TRA2A: variants seen among roughly 807,000 people sequenced by gnomAD.
TRA2A encodes transformer-2 protein homolog alpha.
Under a neutral mutation model 45.7 loss-of-function variants are expected in TRA2A, and 31 were observed. The ratio of observed to expected loss-of-function variants is 0.68; its 90% CI spans 0.51 to 0.92. The LOEUF is 0.92. TRA2A is among the 40% of genes least tolerant of loss of function. The pLI is 0.00. For synonymous variants in TRA2A, 132 were observed against 126.2 expected, an observed-to-expected ratio of 1.05 and a Z score of -0.31; for missense variants, 304 against 367.5, an observed-to-expected ratio of 0.83 and a Z score of 1.41.
intron 3 of TRA2A, among the ~76,000 whole-genome samples, chr7:23,515,014 C>T (rs1358400430): frequency 2.0e-5 from 3 of 152,092 alleles, no homozygotes; most frequent in East Asian, 1.9e-4. Context: ...CAATGTCATA[C>T]ATCCAAGACT....
chr7:23,519,797 G>A (rs1262787568), intron 2 of TRA2A, among the ~76,000 whole-genome samples: 6 of 152,012 alleles, frequency 3.9e-5, no homozygotes, highest in Non-Finnish European at 7.4e-5. Context: ...GAACAATAAC[G>A]CTAGAAGAGT....
chr7:23,528,511 T>C (rs1328285292), intron 1 of TRA2A, among the ~76,000 whole-genome samples: 1 of 152,170 alleles, frequency 6.6e-6, no homozygotes, highest in Non-Finnish European at 1.5e-5. Flanking sequence ...GGCCTTGTTT[T>C]GTTTTTAAAC....
At chr7:23,518,099 T>C (rs1261097680) in intron 2 of TRA2A, among the ~76,000 whole-genome samples, 3 of 151,490 alleles carry the variant, frequency 2.0e-5, no homozygotes. Context: ...CCACCATGCC[T>C]GGCTAATTTT....
chr7:23,513,162 C>G (rs899476234), intron 3 of TRA2A, 80 bp from the exon 4 acceptor site: 2 of 947,642 alleles, frequency 2.1e-6, no homozygotes, highest in African/African-American at 3.3e-5. Flanking sequence ...TTTAGAACAC[C>G]TCATCTAATA....
intron 4 of TRA2A, among the ~76,000 whole-genome samples, chr7:23,508,529 T>C (rs1789445479): frequency 6.6e-6 from 1 of 151,284 alleles, no homozygotes; most frequent in Admixed American, 6.6e-5. Flanking sequence ...AGTTTCGCTC[T>C]TGTTGCACAG....
intron 1 of TRA2A, 107 bp downstream of exon 1, chr7:23,531,682 G>T: frequency 8.2e-7 from 1 of 1,219,836 alleles, no homozygotes; most frequent in Non-Finnish European, 1.2e-6. Context: ...TGGCTCCAGA[G>T]GTTGCTCCTC....
chr7:23,511,273 AGGCAGG>A, intron 4 of TRA2A, among the ~76,000 whole-genome samples: 1 of 149,358 alleles, frequency 6.7e-6, no homozygotes, highest in East Asian at 2.1e-4. Flanking sequence ...CGGGAGGCTG[AGGCAGG>A]AGAATGGCAT....
At chr7:23,508,816 G>C (rs1023101953) in intron 4 of TRA2A, among the ~76,000 whole-genome samples, 1 of 151,850 alleles carries the variant, frequency 6.6e-6, no homozygotes, top group African/African-American at 2.4e-5. Context: ...TTTTTGTAGA[G>C]ACAAGATCTG....
At chr7:23,517,834 C>G (rs2127996587) in intron 2 of TRA2A, among the ~76,000 whole-genome samples, 1 of 152,148 alleles carries the variant, frequency 6.6e-6, no homozygotes, top group South Asian at 2.1e-4. Flanking sequence ...ATCACTTGAA[C>G]CCGGGAGGTG....
At chr7:23,517,477 CAAAAA>C (rs70954385) in intron 2 of TRA2A, among the ~76,000 whole-genome samples, 224 of 13,920 alleles carry the variant, frequency 0.016, 16 homozygotes, top group Admixed American at 0.076. Flanking sequence ...GACTACGTCT[CAAAAA>C]AAAAAAAAAA....
intron 1 of TRA2A, among the ~76,000 whole-genome samples, chr7:23,522,887 T>C (rs959529545): frequency 4.6e-5 from 7 of 152,182 alleles, no homozygotes; most frequent in African/African-American, 1.7e-4. Flanking sequence ...TACACACCTA[T>C]CTAAACTCAC....
At chr7:23,517,153 C>T (rs1357551468) in intron 2 of TRA2A, among the ~76,000 whole-genome samples, 1 of 150,272 alleles carries the variant, frequency 6.7e-6, no homozygotes, top group Admixed American at 6.7e-5. Flanking sequence ...GTGATGTGTG[C>T]TTATGTTCCC....
intron 1 of TRA2A, chr7:23,531,296 AG>A (rs1268882825): frequency 1.0e-5 from 10 of 979,980 alleles, no homozygotes; most frequent in African/African-American, 1.8e-5. Context: ...AAGGAGACAC[AG>A]GCCCCAGCTA....
At chr7:23,509,144 T>A (rs1162248589) in intron 4 of TRA2A, among the ~76,000 whole-genome samples, 1 of 152,090 alleles carries the variant, frequency 6.6e-6, no homozygotes, top group Non-Finnish European at 1.5e-5. Flanking sequence ...GTCCAATTTT[T>A]AAAAAGAACT....
At chr7:23,525,563 G>A (rs1790307790) in intron 1 of TRA2A, among the ~76,000 whole-genome samples, 1 of 152,208 alleles carries the variant, frequency 6.6e-6, no homozygotes, top group African/African-American at 2.4e-5. Context: ...AGGCAGAAAA[G>A]TTCTTCTCAC....
intron 1 of TRA2A, among the ~76,000 whole-genome samples, chr7:23,524,548 C>T (rs781086270): frequency 3.9e-5 from 6 of 152,222 alleles, no homozygotes; most frequent in East Asian, 3.9e-4. Flanking sequence ...AATACCTAAC[C>T]TCCTTTGTTG....
At position 23,505,263 on chromosome 7, in the gene TRA2A, T is replaced by G; in HGVS notation, c.*296A>C. 1 of 326,896 alleles carries G rather than the reference T, an allele frequency of 3.1e-6. No homozygotes were observed. Among genetic ancestry groups the G allele is most frequent in the Non-Finnish European group, 5.5e-6 (1 of 182,768 alleles). 20.2% of individuals were successfully genotyped at this position (326,896 alleles called of 1,614,324 possible). A position where few individuals can be genotyped will look rare whatever the true frequency, so the allele number is the denominator to read the frequency against. Reference sequence around the variant, plus strand: ...CAGTTTCTTTCCTTATTTGATTAGCTAGAAGTTTATCTAGGTAAAAGCAAA... The same window carrying G: ...CAGTTTCTTTCCTTATTTGATTAGCGAGAAGTTTATCTAGGTAAAAGCAAA... On this transcript the variant is annotated 3_prime_UTR_variant, in exon 8 of 8. Coordinates refer to ENST00000297071, the MANE Select transcript of TRA2A (RefSeq NM_013293.5).
chr7:23,515,772 C>A (rs962286644), intron 3 of TRA2A, among the ~76,000 whole-genome samples: 3 of 147,166 alleles, frequency 2.0e-5, no homozygotes, highest in African/African-American at 7.5e-5. Context: ...TCTCGAACTC[C>A]TGACCTTAGG....
Position 23,505,248 on chromosome 7 carries a change from C to T in TRA2A, c.*311G>A. The T allele has an allele frequency of 3.4e-6, 1 of 298,420 alleles. No individual in the cohort carries two copies. Among genetic ancestry groups the T allele is most frequent in the South Asian group, 1.5e-4 (1 of 6,690 alleles). The allele number at this position is 298,420 out of a possible 1,614,324, so 18.5% of individuals were successfully genotyped here. On this transcript the variant is annotated 3_prime_UTR_variant, in exon 8 of 8. Transcript: ENST00000297071. ...GAAGCTTTAAAAAGACAGTTTCTTTCCTTATTTGATTAGCTAGAAGTTTAT... is the reference window on the plus strand; with the variant it reads ...GAAGCTTTAAAAAGACAGTTTCTTTTCTTATTTGATTAGCTAGAAGTTTAT...
Sources: gnomAD v4.1 joint callset for allele counts (sites outside exome capture counted in the v4.1 genomes callset) on GRCh38, gnomAD v4.1.1 for gene constraint, MANE v1.5 for transcripts, NCBI Gene and HGNC (gene_info 2026-07-23, HGNC 2026-07-21) for gene names.